The following EML6 variants were observed in gnomAD, a reference collection of about 807,000 sequenced individuals.
EML6 encodes the protein EMAP like 6, also known as echinoderm microtubule-associated protein-like 6.
Under a neutral mutation model 240.1 loss-of-function variants are expected in EML6, and 154 were observed. The ratio of observed to expected loss-of-function variants is 0.64; its 90% CI spans 0.56 to 0.73. The LOEUF (loss-of-function observed/expected upper bound fraction) is 0.73, where lower values mean the gene tolerates loss of function less well. Ranked by LOEUF, EML6 falls within the 30% of genes least tolerant of loss-of-function variation. EML6 has a pLI of 0.00. For missense variants in EML6, 2,964 were observed against 2,474.6 expected (o/e 1.20, Z -4.20); for synonymous variants, 1,148 against 899.0 (o/e 1.28, Z -4.95).
rs1157465329 is a variant in EML6 at position 54,964,630 on chromosome 2, A to G, written c.5390A>G (p.Tyr1797Cys). The change falls in exon 38 of 42, where the codon TAT (tyrosine) becomes TGT (cysteine). Residue 1797 changes from tyrosine to cysteine, a missense_variant. By Grantham distance (194) the Tyr-to-Cys change is radical (BLOSUM62 -2). Coordinates refer to ENST00000356458, the MANE Select transcript of EML6 (RefSeq NM_001039753.4). ...VGSSEHTVDF[Y>C]DLTQGTNLNR... ...TCTTCTGAACACACAGTTGACTTCT[A>G]TGACCTCACTCAGGGCACAAATCTG... The G allele has an allele frequency of 2.6e-6, 4 of 1,552,404 alleles. No individual in the cohort carries two copies. Among genetic ancestry groups the G allele is most frequent in the Non-Finnish European group, 1.7e-6 (2 of 1,147,122 alleles).
chr2:54,790,648 C>T (rs2103902224), intron 2 of EML6, among the ~76,000 whole-genome samples: 1 of 152,060 alleles, frequency 6.6e-6, no homozygotes, highest in Middle Eastern at 3.4e-3. Context: ...ACCAGGCTTT[C>T]CCACAGTTGA....
chr2:54,878,102 T>C (rs772454047), intron 16 of EML6, among the ~76,000 whole-genome samples: 3 of 152,214 alleles, frequency 2.0e-5, no homozygotes, highest in Non-Finnish European at 2.9e-5. Context: ...AGGATAAATA[T>C]GTAATATACA....
chr2:54,884,489 C>G (rs955716448), intron 17 of EML6, among the ~76,000 whole-genome samples: 2 of 152,148 alleles, frequency 1.3e-5, no homozygotes, highest in African/African-American at 2.4e-5. Flanking sequence ...GCTGCAAGTC[C>G]CAATCCTCTA....
At chr2:54,868,322 ATTAT>A (rs1671078428) in intron 14 of EML6, 1 of 152,186 alleles carries the variant, frequency 6.6e-6, no homozygotes, top group African/African-American at 2.4e-5. Context: ...GTGACATATA[ATTAT>A]TAAGCACAGA....
At chr2:54,906,959 A>T (rs1310112440) in intron 24 of EML6, among the ~76,000 whole-genome samples, 1 of 152,186 alleles carries the variant, frequency 6.6e-6, no homozygotes, top group African/African-American at 2.4e-5. Flanking sequence ...TGCCAGAGCC[A>T]GCTGGCTTCT....
At position 54,957,900 on chromosome 2, in the gene EML6, T is replaced by C; in HGVS notation, c.4597T>C (p.Trp1533Arg). Residue 1533 changes from tryptophan to arginine, a missense_variant, in exon 33 of 42, where the codon TGG becomes CGG. Transcript: ENST00000356458. ...VSVGVKHMKF[W>R]TLAGSALLYK... Reference sequence around the variant, plus strand: ...TGTCGGGGTCAAACATATGAAGTTCTGGACCCTGGCAGGCAGCGCCTTGCT... The same window carrying C: ...TGTCGGGGTCAAACATATGAAGTTCCGGACCCTGGCAGGCAGCGCCTTGCT... 6.4e-7 allele frequency: 1 copy of C among 1,551,654 alleles called. No homozygotes were observed. Among genetic ancestry groups the C allele is most frequent in the Non-Finnish European group, 8.7e-7 (1 of 1,147,010 alleles).
intron 17 of EML6, among the ~76,000 whole-genome samples, chr2:54,887,189 C>A (rs942372589): frequency 6.6e-6 from 1 of 152,166 alleles, no homozygotes; most frequent in Non-Finnish European, 1.5e-5. Context: ...TTGACCTGAT[C>A]CTTTCATTAT....
At chr2:54,797,164 CAAAAAAAA>C (rs773498648) in intron 2 of EML6, among the ~76,000 whole-genome samples, 53 of 43,830 alleles carry the variant, frequency 1.2e-3, no homozygotes, top group South Asian at 9.1e-3. Context: ...GACTCCATCT[CAAAAAAAA>C]AAAAAAAAAA....
At chr2:54,896,069 G>T (rs1032636010) in intron 21 of EML6, among the ~76,000 whole-genome samples, 2 of 152,148 alleles carry the variant, frequency 1.3e-5, no homozygotes, top group South Asian at 2.1e-4. Context: ...GAGTATGAGG[G>T]TCACCGTCAC....
rs1322561581 is a variant in EML6 at position 54,968,163 on chromosome 2, G to A, written c.5633G>A (p.Arg1878Gln). The stretch of plus-strand genomic sequence containing the variant: ...GATGAAGTCATTGGAATCTGGCCAC[G>A]AAATGCAGACAAGGCTGATGTCAAC... ...LGDEVIGIWPRNADKADVNCA... is the reference protein window; with the variant it reads ...LGDEVIGIWPQNADKADVNCA... The change falls in exon 40 of 42, where the codon CGA becomes CAA. Residue 1878 changes from arginine (R) to glutamine (Q), a missense_variant. Physicochemically the swap from Arg to Gln is conservative, Grantham distance 43. Transcript: ENST00000356458. 11 of 1,551,550 alleles carry A rather than the reference G, an allele frequency of 7.1e-6. No homozygotes were observed. Among genetic ancestry groups the A allele is most frequent in the South Asian group, 1.2e-5 (1 of 84,054 alleles).
At chr2:54,885,958 C>T (rs563444120) in intron 17 of EML6, among the ~76,000 whole-genome samples, 2 of 152,160 alleles carry the variant, frequency 1.3e-5, no homozygotes, top group South Asian at 4.1e-4. Context: ...CCATCTCTTC[C>T]TTGCCTCTCA....
intron 2 of EML6, among the ~76,000 whole-genome samples, chr2:54,770,801 C>T (rs1230931017): frequency 6.6e-6 from 1 of 152,148 alleles, no homozygotes; most frequent in Non-Finnish European, 1.5e-5. Context: ...TTTCCAGCTT[C>T]TCCCCACTTT....
At chr2:54,821,641 A>G (rs1282700855) in intron 5 of EML6, among the ~76,000 whole-genome samples, 2 of 152,130 alleles carry the variant, frequency 1.3e-5, no homozygotes, top group African/African-American at 4.8e-5. Context: ...ACTAAAGCAT[A>G]ATAGAATTTA....
chr2:54,940,741 T>C (rs1179466141), intron 28 of EML6, among the ~76,000 whole-genome samples: 1 of 152,240 alleles, frequency 6.6e-6, no homozygotes, highest in Non-Finnish European at 1.5e-5. Flanking sequence ...ATGATGTGAC[T>C]GATGTAGAAT....
intron 2 of EML6, among the ~76,000 whole-genome samples, chr2:54,783,244 TG>T (rs1189512344): frequency 6.6e-6 from 1 of 152,220 alleles, no homozygotes; most frequent in Non-Finnish European, 1.5e-5. Flanking sequence ...TCATATTCCA[TG>T]GCAATTGATG....
intron 2 of EML6, among the ~76,000 whole-genome samples, chr2:54,807,465 TAAGTC>T (rs1391155026): frequency 1.3e-5 from 2 of 152,212 alleles, no homozygotes; most frequent in Non-Finnish European, 2.9e-5. Context: ...TCCTATCTCT[TAAGTC>T]TAGACAATCA....
intron 7 of EML6, among the ~76,000 whole-genome samples, chr2:54,841,130 C>CAAGGCCGT (rs1193581507): frequency 6.6e-6 from 1 of 152,254 alleles, no homozygotes; most frequent in African/African-American, 2.4e-5. Context: ...ATCATGGGCG[C>CAAGGCCGT]AAGGCCGTGT....
At chr2:54,777,376 C>T (rs911940380) in intron 2 of EML6, among the ~76,000 whole-genome samples, 7 of 152,270 alleles carry the variant, frequency 4.6e-5, no homozygotes, top group East Asian at 1.9e-4. Context: ...TGACTCTGAG[C>T]TTGGACTTTT....
chr2:54,911,675 G>T (rs1036288591), intron 25 of EML6, among the ~76,000 whole-genome samples: 1 of 152,156 alleles, frequency 6.6e-6, no homozygotes, highest in Admixed American at 6.5e-5. Context: ...AACCTCAGGT[G>T]ATCCGCCCAC....
Sources: allele counts gnomAD v4.1 joint callset (sites outside exome capture counted in the v4.1 genomes callset), GRCh38; gene constraint gnomAD v4.1.1; transcripts MANE v1.5; gene names NCBI Gene and HGNC (gene_info 2026-07-23, HGNC 2026-07-21).